The following NHS variants were observed in gnomAD, a reference collection of about 807,000 sequenced individuals.
The protein encoded by NHS is NHS actin remodeling regulator.
Under a neutral mutation model 72.5 loss-of-function variants are expected in NHS, and 5 were observed. That is an observed-to-expected ratio of 0.07 (90% confidence interval 0.04 to 0.14). The LOEUF is 0.14. Among genes scored for constraint, NHS ranks in the 10% least tolerant of loss-of-function variants. The pLI, the probability that NHS is intolerant of heterozygous loss-of-function variation, is 1.00. For synonymous variants in NHS, 464 were observed against 547.7 expected (o/e 0.85, Z 2.13); for missense variants, 1,072 against 1,355.7 (o/e 0.79, Z 3.29).
At chrX:17,670,015 TGTG>T (rs1028677748) in intron 1 of NHS, among the ~76,000 whole-genome samples, 1 of 112,094 alleles carries the variant, frequency 8.9e-6, no homozygotes, top group African/African-American at 3.2e-5. Flanking sequence ...TCCTGCTCTC[TGTG>T]GCTTCGCAGA....
At chrX:17,436,612 TAAA>T (rs758191311) in intron 1 of NHS, among the ~76,000 whole-genome samples, 5 of 85,777 alleles carry the variant, frequency 5.8e-5, no homozygotes, top group East Asian at 3.5e-4. Context: ...ATATTTAGGC[TAAA>T]AAAAAAAAAA....
chrX:17,645,244 A>T lies in NHS; in HGVS notation c.566-42498A>T, dbSNP rs546205931. On this transcript the variant is annotated intron_variant, in intron 1 of 8. Coordinates refer to ENST00000676302, the MANE Select transcript of NHS (RefSeq NM_001291867.2). Reference sequence around the variant, plus strand: ...ATGTTAACATTGGTTACTCACTACCATGATACCAGTATTATTTTCCACTCT... The same window carrying T: ...ATGTTAACATTGGTTACTCACTACCTTGATACCAGTATTATTTTCCACTCT... Among the ~76,000 whole-genome samples, 6 of 111,889 alleles carry T rather than the reference A, an allele frequency of 5.4e-5. No homozygotes were observed. The East Asian group carries it at 1.7e-3, about 31-fold the overall frequency.
chrX:17,679,141 C>T (rs2066107097), intron 1 of NHS, among the ~76,000 whole-genome samples: 2 of 109,797 alleles, frequency 1.8e-5, no homozygotes, highest in African/African-American at 6.7e-5. Flanking sequence ...TTTCCCCACC[C>T]CTGCAATTTT....
intron 3 of NHS, among the ~76,000 whole-genome samples, chrX:17,698,153 A>C (rs2066242359): frequency 8.9e-6 from 1 of 111,791 alleles, no homozygotes; most frequent in South Asian, 3.7e-4. Context: ...TATATGCTCT[A>C]TACATTAAAC....
intron 1 of NHS, among the ~76,000 whole-genome samples, chrX:17,677,928 G>A (rs1031680907): frequency 9.0e-6 from 1 of 111,097 alleles, no homozygotes; most frequent in African/African-American, 3.3e-5. Flanking sequence ...CCGCCTCAGA[G>A]TACCTGGGAT....
At chrX:17,636,743 G>A (rs1474111118) in intron 1 of NHS, among the ~76,000 whole-genome samples, 1 of 111,997 alleles carries the variant, frequency 8.9e-6, no homozygotes, top group African/African-American at 3.3e-5. Context: ...CATGATGATG[G>A]GGAAGCACTG....
chrX:17,494,948 C>G (rs2065005758), intron 1 of NHS, among the ~76,000 whole-genome samples: 1 of 112,190 alleles, frequency 8.9e-6, no homozygotes, highest in African/African-American at 3.2e-5. Flanking sequence ...AGCCATGGAC[C>G]AACAAGGTTG....
chrX:17,437,468 C>T (rs1474909052), intron 1 of NHS, among the ~76,000 whole-genome samples: 4 of 111,690 alleles, frequency 3.6e-5, no homozygotes, highest in Non-Finnish European at 5.6e-5. Context: ...CTCTGGTAGG[C>T]AGGCTCTTCA....
intron 1 of NHS, among the ~76,000 whole-genome samples, chrX:17,648,743 C>T (rs1569300546): frequency 8.9e-6 from 1 of 112,024 alleles, no homozygotes. Context: ...TTTTGAACAG[C>T]TGCCCAAGAG....
chrX:17,606,421 C>T (rs761597407), intron 1 of NHS, among the ~76,000 whole-genome samples: 6 of 111,784 alleles, frequency 5.4e-5, no homozygotes, highest in African/African-American at 1.3e-4. Flanking sequence ...TTGCTGGGGC[C>T]GACGTGACAT....
intron 3 of NHS, among the ~76,000 whole-genome samples, chrX:17,693,910 G>A (rs945381738): frequency 8.9e-6 from 1 of 112,246 alleles, no homozygotes; most frequent in Non-Finnish European, 1.9e-5. Flanking sequence ...CTTTTAATGA[G>A]GCATTTTCTG....
intron 1 of NHS, among the ~76,000 whole-genome samples, chrX:17,591,824 A>G (rs1284531235): frequency 1.8e-5 from 2 of 111,939 alleles, no homozygotes; most frequent in Non-Finnish European, 3.8e-5. Context: ...CGGGAATGGA[A>G]TATATTTCCA....
intron 1 of NHS, among the ~76,000 whole-genome samples, chrX:17,591,671 C>T (rs2065603624): frequency 9.0e-6 from 1 of 111,387 alleles, no homozygotes; most frequent in Non-Finnish European, 1.9e-5. Flanking sequence ...CACTGCTTGC[C>T]CCACAAATCC....
intron 1 of NHS, among the ~76,000 whole-genome samples, chrX:17,390,392 C>T (rs1008349333): frequency 9.1e-6 from 1 of 110,036 alleles, no homozygotes; most frequent in Admixed American, 9.7e-5. Context: ...CCCTCCCCAC[C>T]CCTGAAGTGA....
intron 1 of NHS, among the ~76,000 whole-genome samples, chrX:17,548,953 C>T (rs758144591): frequency 9.2e-6 from 1 of 109,030 alleles, no homozygotes; most frequent in Admixed American, 9.8e-5. Flanking sequence ...TCATACTTGT[C>T]CCTTTTTTTT....
chrX:17,440,526 T>C (rs1569255036), intron 1 of NHS, among the ~76,000 whole-genome samples: 2 of 111,757 alleles, frequency 1.8e-5, no homozygotes, highest in Non-Finnish European at 3.8e-5. Context: ...CAAGGACAGA[T>C]GGAAGCCAGA....
intron 1 of NHS, among the ~76,000 whole-genome samples, chrX:17,450,695 G>A (rs2064802012): frequency 8.9e-6 from 1 of 112,098 alleles, no homozygotes; most frequent in South Asian, 3.7e-4. Flanking sequence ...GGCCAACATG[G>A]CAAAACCCTG....
intron 3 of NHS, among the ~76,000 whole-genome samples, chrX:17,714,437 C>T (rs763465463): frequency 9.0e-6 from 1 of 111,553 alleles, no homozygotes; most frequent in East Asian, 2.8e-4. Context: ...AATCAGGAGT[C>T]CCCTGTGGAT....
At chrX:17,382,236 C>T (rs1397561889) in intron 1 of NHS, among the ~76,000 whole-genome samples, 1 of 111,710 alleles carries the variant, frequency 9.0e-6, no homozygotes, top group East Asian at 2.8e-4. Context: ...GCTCATTTTT[C>T]AGTAAGGTTC....
Sources: allele counts gnomAD v4.1 joint callset (sites outside exome capture counted in the v4.1 genomes callset), GRCh38; gene constraint gnomAD v4.1.1; transcripts MANE v1.5; gene names NCBI Gene and HGNC (gene_info 2026-07-23, HGNC 2026-07-21).